PDE4D: variants seen among roughly 807,000 people sequenced by gnomAD.
PDE4D encodes phosphodiesterase 4D, also known as 3',5'-cyclic-AMP phosphodiesterase 4D.
In PDE4D, 24 loss-of-function variants were observed where a neutral mutation model predicts 87.4. The ratio of observed to expected loss-of-function variants is 0.27; its 90% CI spans 0.20 to 0.39. The LOEUF is 0.39. PDE4D is among the 10% of genes least tolerant of loss of function. PDE4D has a pLI of 1.00. For missense variants in PDE4D, 714 were observed against 1,041.0 expected, an observed-to-expected ratio of 0.69 and a Z score of 4.32; for synonymous variants, 384 against 383.2, an observed-to-expected ratio of 1.00 and a Z score of -0.02.
At chr5:59,020,568 A>C (rs553491123) in intron 6 of PDE4D, among the ~76,000 whole-genome samples, 22 of 152,330 alleles carry the variant, frequency 1.4e-4, no homozygotes, top group Non-Finnish European at 2.9e-4. Flanking sequence ...ACAAGACAGA[A>C]ACCTTGACAA....
intron 3 of PDE4D, among the ~76,000 whole-genome samples, chr5:59,962,048 T>C (rs960195232): frequency 5.9e-5 from 9 of 152,018 alleles, no homozygotes; most frequent in African/African-American, 2.2e-4. Context: ...TTTTTATCCT[T>C]AATTTTTTTA....
chr5:60,276,627 C>T (rs1383461629), intron 1 of PDE4D, among the ~76,000 whole-genome samples: 1 of 152,152 alleles, frequency 6.6e-6, no homozygotes, highest in Admixed American at 6.5e-5. Flanking sequence ...CTGTACATCA[C>T]TTTCTTTTTT....
At chr5:60,350,563 T>A (rs1759094022) in intron 1 of PDE4D, among the ~76,000 whole-genome samples, 2 of 152,014 alleles carry the variant, frequency 1.3e-5, no homozygotes, top group African/African-American at 4.8e-5. Context: ...ACACAAGATA[T>A]CAGAAATGCG....
intron 1 of PDE4D, among the ~76,000 whole-genome samples, chr5:59,784,478 G>C (rs1764956823): frequency 6.6e-6 from 1 of 152,040 alleles, no homozygotes; most frequent in Non-Finnish European, 1.5e-5. Context: ...GTTGAAACCT[G>C]CATTTCTCAA....
At chr5:59,685,705 A>G (rs1448914150) in intron 1 of PDE4D, among the ~76,000 whole-genome samples, 2 of 151,590 alleles carry the variant, frequency 1.3e-5, no homozygotes, top group Non-Finnish European at 2.9e-5. Flanking sequence ...ATAGCATTTT[A>G]TCTAATTAAA....
upstream of PDE4D, among the ~76,000 whole-genome samples, chr5:59,897,828 G>C (rs1308818113): frequency 6.6e-6 from 1 of 152,066 alleles, no homozygotes; most frequent in Admixed American, 6.6e-5. Context: ...TGTTACAAAA[G>C]GCTAAACTCC....
chr5:59,524,175 A>C (rs1289704965), intron 1 of PDE4D, among the ~76,000 whole-genome samples: 1 of 152,218 alleles, frequency 6.6e-6, no homozygotes. Flanking sequence ...GAGGCCTCAG[A>C]AGAAGACAGG....
chr5:59,138,264 A>C lies in PDE4D; in HGVS notation c.808+42331T>G, dbSNP rs375932420. ...CATTTACTGAAGGAAAGCCAAAGCC[A>C]TTTTAGCTTGATTACATTTTCTTTT... On this transcript the variant is annotated intron_variant, in intron 5 of 14. Coordinates refer to ENST00000340635, the MANE Select transcript of PDE4D (RefSeq NM_001104631.2). Among the ~76,000 whole-genome samples the C allele has an allele frequency of 8.5e-4, 130 of 152,296 alleles. 2 individuals carry two copies. The highest frequency in any genetic ancestry group is 3.0e-3 in the African/African-American group (125 of 41,558).
At chr5:59,697,300 A>T (rs1263571309) in intron 1 of PDE4D, among the ~76,000 whole-genome samples, 1 of 152,234 alleles carries the variant, frequency 6.6e-6, no homozygotes, top group Admixed American at 6.5e-5. Context: ...TAAATAAAAA[A>T]GTTACATAAT....
chr5:60,027,719 G>T (rs1766789063), intron 2 of PDE4D, among the ~76,000 whole-genome samples: 1 of 152,170 alleles, frequency 6.6e-6, no homozygotes, highest in Admixed American at 6.5e-5. Flanking sequence ...ATAAAGATTT[G>T]TTGATTAAAT....
At chr5:60,260,948 C>T (rs1749583827) in intron 1 of PDE4D, among the ~76,000 whole-genome samples, 2 of 152,052 alleles carry the variant, frequency 1.3e-5, no homozygotes, top group Admixed American at 6.6e-5. Flanking sequence ...GCCTGTGAGT[C>T]AGAGGATGGC....
chr5:60,382,813 G>A (rs1761957175), intron 1 of PDE4D, among the ~76,000 whole-genome samples: 1 of 152,164 alleles, frequency 6.6e-6, no homozygotes. Context: ...TGGTTCTAGG[G>A]CTGCATATGA....
intron 2 of PDE4D, among the ~76,000 whole-genome samples, chr5:60,088,758 G>T (rs1774801992): frequency 6.6e-6 from 1 of 151,830 alleles, no homozygotes; most frequent in Non-Finnish European, 1.5e-5. Flanking sequence ...AGAAAGAAAT[G>T]ATTCTACAAA....
intron 1 of PDE4D, among the ~76,000 whole-genome samples, chr5:60,233,651 T>C (rs1343456749): frequency 4.6e-5 from 7 of 151,806 alleles, no homozygotes; most frequent in Non-Finnish European, 4.4e-5. Context: ...GAAACAAATA[T>C]TGTAGTCTTC....
intron 5 of PDE4D, among the ~76,000 whole-genome samples, chr5:59,151,079 C>T (rs943821389): frequency 1.3e-5 from 2 of 152,156 alleles, no homozygotes; most frequent in Non-Finnish European, 2.9e-5. Context: ...AAACCCTAGT[C>T]CACCTGTGTC....
In PDE4D at chr5:59,659,936, C is replaced by T. The variant is rs563214752; in HGVS notation, c.455+233232G>A. On this transcript the variant is annotated intron_variant, in intron 1 of 14. Coordinates refer to ENST00000340635, the MANE Select transcript of PDE4D (RefSeq NM_001104631.2). ...ATGGTAGCTCATGCCTGCAATCTTA[C>T]CACTTGGGGAGGCCGAGATGGGTGG... Among the ~76,000 whole-genome samples, 23 of 152,196 alleles carry T rather than the reference C, an allele frequency of 1.5e-4. No individual in the cohort carries two copies. In the South Asian group the frequency reaches 4.6e-3, roughly 30 times the overall value.
chr5:59,507,679 A>AAAAAAAAAAAAAAAAAG (rs61334148), intron 1 of PDE4D, among the ~76,000 whole-genome samples: 2 of 118,710 alleles, frequency 1.7e-5, no homozygotes, highest in African/African-American at 3.5e-5. Flanking sequence ...AAAAAAAAAA[A>AAAAAAAAAAAAAAAAAG]AAAAGAAAAG....
At chr5:59,206,035 T>C (rs939341513) in intron 2 of PDE4D, among the ~76,000 whole-genome samples, 9 of 152,208 alleles carry the variant, frequency 5.9e-5, no homozygotes, top group Non-Finnish European at 1.5e-5. Context: ...TGACACATTA[T>C]ATATGTTTAG....
chr5:60,421,689 T>A (rs145059510), intron 1 of PDE4D, among the ~76,000 whole-genome samples: 3,245 of 152,286 alleles, frequency 0.021, 112 homozygotes, highest in African/African-American at 0.074. Context: ...GGACGGAGAA[T>A]GACTTTGACA....
Sources: gnomAD v4.1 joint callset for allele counts (sites outside exome capture counted in the v4.1 genomes callset) on GRCh38, gnomAD v4.1.1 for gene constraint, MANE v1.5 for transcripts, NCBI Gene and HGNC (gene_info 2026-07-23, HGNC 2026-07-21) for gene names.